The following SGCD variants were observed in gnomAD, a reference collection of about 807,000 sequenced individuals.
SGCD encodes the protein delta-sarcoglycan.
Under a neutral mutation model 36.6 loss-of-function variants are expected in SGCD, and 18 were observed. The ratio of observed to expected loss-of-function variants is 0.49; its 90% CI spans 0.34 to 0.73. SGCD has a LOEUF of 0.73. SGCD is among the 30% of genes least tolerant of loss of function. SGCD has a pLI of 0.01. For synonymous variants in SGCD, 133 were observed against 130.6 expected (o/e 1.02, Z -0.12); for missense variants, 387 against 346.7 (o/e 1.12, Z -0.92).
intron 3 of SGCD, among the ~76,000 whole-genome samples, chr5:156,281,917 G>C (rs1673077151): frequency 6.6e-6 from 1 of 152,056 alleles, no homozygotes; most frequent in South Asian, 2.1e-4. Context: ...CAAAGCTAGT[G>C]ATTTCAGTGG....
chr5:156,205,470 G>T (rs1764253015), intron 3 of SGCD, among the ~76,000 whole-genome samples: 1 of 152,194 alleles, frequency 6.6e-6, no homozygotes, highest in Non-Finnish European at 1.5e-5. Context: ...GATTGTTGCA[G>T]ATTTTGAAAG....
At chr5:156,072,921 A>C (rs1245085754) in intron 1 of SGCD, among the ~76,000 whole-genome samples, 1 of 152,094 alleles carries the variant, frequency 6.6e-6, no homozygotes, top group Non-Finnish European at 1.5e-5. Flanking sequence ...AGTTGATCGC[A>C]TCGGCTCCTG....
intron 3 of SGCD, among the ~76,000 whole-genome samples, chr5:156,412,944 C>T (rs1170588258): frequency 5.3e-5 from 8 of 151,564 alleles, no homozygotes; most frequent in Non-Finnish European, 7.4e-5. Flanking sequence ...TACAGGCGCC[C>T]GCCACCGCGC....
At chr5:156,251,765 C>G (rs1581196512) in intron 3 of SGCD, among the ~76,000 whole-genome samples, 1 of 152,254 alleles carries the variant, frequency 6.6e-6, no homozygotes, top group East Asian at 1.9e-4. Flanking sequence ...CCTCCCACCT[C>G]GCCCTCCCAA....
chr5:156,760,591 TG>T lies in SGCD; in HGVS notation c.*1202del, dbSNP rs1490992819. ...TTGTGCACTGAAAGATAATACAAACTGAGTGTCTTTATGAGAATCACTGTGT... is the reference window on the plus strand; with the variant it reads ...TTGTGCACTGAAAGATAATACAAACTAGTGTCTTTATGAGAATCACTGTGT... On this transcript the variant is annotated 3_prime_UTR_variant, in exon 9 of 9. Coordinates refer to ENST00000337851, the MANE Select transcript of SGCD (RefSeq NM_000337.6). 6.6e-6 allele frequency: 1 copy of T among 152,592 alleles called. No individual in the cohort carries two copies. Among genetic ancestry groups the T allele is most frequent in the African/African-American group, 2.4e-5 (1 of 41,436 alleles). The allele number at this position is 152,592 out of a possible 1,614,324, so 9.5% of individuals were successfully genotyped here. A position where few individuals can be genotyped will look rare whatever the true frequency, so the allele number is the denominator to read the frequency against.
chr5:156,343,677 A>G (rs1364263814), intron 2 of SGCD, among the ~76,000 whole-genome samples: 1 of 152,192 alleles, frequency 6.6e-6, no homozygotes, highest in Non-Finnish European at 1.5e-5. Flanking sequence ...AAGGGCATCA[A>G]CGTATTACTT....
intron 2 of SGCD, among the ~76,000 whole-genome samples, chr5:156,122,702 G>A (rs1762071229): frequency 6.6e-6 from 1 of 151,836 alleles, no homozygotes. Flanking sequence ...GTCTGAGTGA[G>A]GTGGAAGGTT....
At chr5:155,812,821 ATAAAGT>A in the SGCD span, among the ~76,000 whole-genome samples, 9 of 152,300 alleles carry the variant, frequency 5.9e-5, no homozygotes, top group South Asian at 4.1e-4. Context: ...CCTCAACTAG[ATAAAGT>A]TAAGTAACCT....
chr5:156,372,557 C>T (rs1378166294), intron 3 of SGCD, among the ~76,000 whole-genome samples: 1 of 152,182 alleles, frequency 6.6e-6, no homozygotes, highest in African/African-American at 2.4e-5. Flanking sequence ...CATATAATCA[C>T]ACTTAACATT....
intron 4 of SGCD, among the ~76,000 whole-genome samples, chr5:156,517,936 G>C (rs1030342035): frequency 1.1e-4 from 16 of 152,044 alleles, no homozygotes; most frequent in Admixed American, 5.2e-4. Context: ...ACACCAACAA[G>C]TCTGCAAAAT....
intron 3 of SGCD, among the ~76,000 whole-genome samples, chr5:156,380,104 A>G (rs1770896857): frequency 6.6e-6 from 1 of 151,792 alleles, no homozygotes; most frequent in Non-Finnish European, 1.5e-5. Context: ...TTGGTGGTTG[A>G]GTCTTGAACC....
At chr5:156,631,874 A>G (rs1762649522) in intron 6 of SGCD, among the ~76,000 whole-genome samples, 1 of 152,182 alleles carries the variant, frequency 6.6e-6, no homozygotes, top group South Asian at 2.1e-4. Context: ...TGCTTTAGTG[A>G]TGTAGACTGT....
At chr5:156,480,220 C>A (rs1167168857) in intron 3 of SGCD, among the ~76,000 whole-genome samples, 1 of 152,196 alleles carries the variant, frequency 6.6e-6, no homozygotes, top group African/African-American at 2.4e-5. Context: ...ATTAGACAGA[C>A]TGTAATGGAC....
Position 156,621,401 on chromosome 5 carries a change from C to G in SGCD, c.503-26063C>G, listed in dbSNP as rs576287412. 2.3e-3 allele frequency among the ~76,000 whole-genome samples: 352 copies of G among 152,262 alleles called. 1 individual carries two copies. The highest frequency in any genetic ancestry group is 4.3e-3 in the Admixed American group (66 of 15,304). On this transcript the variant is annotated intron_variant, in intron 6 of 8. Transcript: ENST00000337851. ...AGAGACGGGGTTTCACCGTATTGAC[C>G]AGGCTTGTCTCCAATTCCTGACCTC...
At chr5:156,528,606 T>C (rs916928025) in intron 4 of SGCD, among the ~76,000 whole-genome samples, 8 of 152,164 alleles carry the variant, frequency 5.3e-5, no homozygotes, top group African/African-American at 1.9e-4. Flanking sequence ...TATTCAACTA[T>C]GTAGACAGTG....
intron 3 of SGCD, among the ~76,000 whole-genome samples, chr5:156,299,090 C>T (rs1766982292): frequency 6.6e-6 from 1 of 152,268 alleles, no homozygotes; most frequent in South Asian, 2.1e-4. Flanking sequence ...ATGTAAGTCA[C>T]TAATCCATTT....
chr5:156,577,144 A>G (rs903770975), intron 4 of SGCD, among the ~76,000 whole-genome samples: 1 of 152,286 alleles, frequency 6.6e-6, no homozygotes, highest in Middle Eastern at 3.4e-3. Context: ...ACGGCTAGCC[A>G]GTTTTCCCAG....
chr5:155,977,955 G>C (rs530265108), intron 1 of SGCD, among the ~76,000 whole-genome samples: 1 of 152,092 alleles, frequency 6.6e-6, no homozygotes, highest in Admixed American at 6.6e-5. Context: ...CTAGCTGGAC[G>C]TGGTGGTGCA....
chr5:156,293,185 C>G (rs1766806349), intron 3 of SGCD, among the ~76,000 whole-genome samples: 2 of 152,032 alleles, frequency 1.3e-5, no homozygotes, highest in South Asian at 4.1e-4. Context: ...AGTGATCCTC[C>G]TGCCTCAGTT....
Sources: gnomAD v4.1 joint callset for allele counts (sites outside exome capture counted in the v4.1 genomes callset) on GRCh38, gnomAD v4.1.1 for gene constraint, MANE v1.5 for transcripts, NCBI Gene and HGNC (gene_info 2026-07-23, HGNC 2026-07-21) for gene names.